Variants in MICU1 observed in about 807,000 individuals in gnomAD.
The protein encoded by MICU1 is calcium uptake protein 1, mitochondrial.
Under a neutral mutation model 56.8 loss-of-function variants are expected in MICU1, and 45 were observed. The observed-to-expected ratio is 0.79, with a 90% CI of 0.62 to 1.02. MICU1 has a LOEUF of 1.02. Ranked by LOEUF, MICU1 falls within the 50% of genes least tolerant of loss-of-function variation. The pLI, the probability that MICU1 is intolerant of heterozygous loss-of-function variation, is 0.00. For missense variants in MICU1, 504 were observed against 587.1 expected, an observed-to-expected ratio of 0.86 and a Z score of 1.46; for synonymous variants, 186 against 195.1, an observed-to-expected ratio of 0.95 and a Z score of 0.39.
chr10:72,391,167 C>CTCA (rs1352983766), intron 10 of MICU1, among the ~76,000 whole-genome samples: 2 of 152,262 alleles, frequency 1.3e-5, no homozygotes, highest in East Asian at 3.8e-4. Flanking sequence ...GGTGCAGTGG[C>CTCA]TCACGCCTGT....
chr10:72,461,776 C>T (rs915296594), intron 8 of MICU1, among the ~76,000 whole-genome samples: 50 of 152,302 alleles, frequency 3.3e-4, no homozygotes, highest in African/African-American at 1.2e-3. Flanking sequence ...ATGGTGAAAC[C>T]TTGTCTCTAC....
intron 10 of MICU1, among the ~76,000 whole-genome samples, chr10:72,394,334 G>T (rs1266931640): frequency 6.6e-6 from 1 of 152,258 alleles, no homozygotes; most frequent in South Asian, 2.1e-4. Flanking sequence ...CAGCAACCAA[G>T]AATTAAAAAT....
chr10:72,597,159 T>C (rs548284441), intron 1 of MICU1, among the ~76,000 whole-genome samples: 2 of 152,326 alleles, frequency 1.3e-5, no homozygotes, highest in South Asian at 4.1e-4. Context: ...TTTCCGTTTA[T>C]AAACATCATT....
At chr10:72,459,029 T>A (rs1865568233) in intron 8 of MICU1, among the ~76,000 whole-genome samples, 1 of 151,950 alleles carries the variant, frequency 6.6e-6, no homozygotes, top group Admixed American at 6.6e-5. Flanking sequence ...GCACCTAGCC[T>A]TCATTAAAAA....
chr10:72,431,074 G>A (rs1488069175), intron 8 of MICU1, among the ~76,000 whole-genome samples: 6 of 148,990 alleles, frequency 4.0e-5, no homozygotes, highest in Non-Finnish European at 7.4e-5. Flanking sequence ...CTACTGCTTT[G>A]AATATACCTT....
At chr10:72,583,334 G>A (rs1293132849) in intron 1 of MICU1, among the ~76,000 whole-genome samples, 1 of 150,296 alleles carries the variant, frequency 6.7e-6, no homozygotes, top group African/African-American at 2.5e-5. Context: ...AGGCTGGAGT[G>A]CAGTGGTGCC....
In MICU1 at chr10:72,442,976, C is replaced by T. The variant is rs150837267; in HGVS notation, c.934-19605G>A. Among the ~76,000 whole-genome samples, 430 of 152,104 alleles carry T rather than the reference C, an allele frequency of 2.8e-3. 3 individuals are homozygous for T. The highest frequency in any genetic ancestry group is 9.8e-3 in the African/African-American group (406 of 41,478). ...TTCGTCATGTTGGCCAGGCTGGTCT[C>T]GAACTACTGACCTCAGGTGATCTGC... On this transcript the variant is annotated intron_variant, in intron 8 of 11. Coordinates refer to ENST00000361114, the MANE Select transcript of MICU1 (RefSeq NM_001195518.2).
At chr10:72,374,873 G>A (rs59051237) in intron 11 of MICU1, among the ~76,000 whole-genome samples, 3,224 of 117,264 alleles carry the variant, frequency 0.027, 116 homozygotes, top group East Asian at 0.14. Flanking sequence ...CTGGAGTGTT[G>A]TGGCACGATC....
At chr10:72,390,201 A>C (rs1034247721) in intron 10 of MICU1, among the ~76,000 whole-genome samples, 2 of 152,212 alleles carry the variant, frequency 1.3e-5, no homozygotes, top group Non-Finnish European at 2.9e-5. Context: ...AAAAAGAAAA[A>C]GAAAAAAAAG....
intron 9 of MICU1, among the ~76,000 whole-genome samples, chr10:72,413,112 G>T (rs563559231): frequency 3.9e-5 from 6 of 152,112 alleles, no homozygotes; most frequent in African/African-American, 1.2e-4. Context: ...AATGAGAATT[G>T]CATGAACCCA....
chr10:72,524,663 C>T (rs957925087), intron 5 of MICU1: 3 of 1,110,668 alleles, frequency 2.7e-6, no homozygotes, highest in Non-Finnish European at 2.3e-6. Context: ...TGCGCTGAAC[C>T]TTTGTTCCTG....
intron 8 of MICU1, among the ~76,000 whole-genome samples, chr10:72,430,165 A>T (rs760419891): frequency 6.6e-6 from 1 of 151,932 alleles, no homozygotes; most frequent in Non-Finnish European, 1.5e-5. Context: ...TTTAACTTTA[A>T]TTTTCAGCAA....
chr10:72,432,286 A>C (rs1220253526), intron 8 of MICU1, among the ~76,000 whole-genome samples: 2 of 151,980 alleles, frequency 1.3e-5, no homozygotes, highest in South Asian at 2.1e-4. Context: ...AATACAAATA[A>C]ATATAAAAAC....
intron 1 of MICU1, among the ~76,000 whole-genome samples, chr10:72,575,914 A>G (rs554049225): frequency 6.6e-6 from 1 of 152,242 alleles, no homozygotes; most frequent in South Asian, 2.1e-4. Flanking sequence ...TCTCACTTTC[A>G]ATCAAAAGCT....
intron 1 of MICU1, among the ~76,000 whole-genome samples, chr10:72,600,348 T>G (rs1294776692): frequency 7.0e-6 from 1 of 142,636 alleles, no homozygotes; most frequent in African/African-American, 2.6e-5. Flanking sequence ...TGTGGAATTG[T>G]GAGGAAAGAA....
In MICU1 at chr10:72,533,729, T is replaced by A. The variant is rs374544316; in HGVS notation, c.537+17A>T. 6.3e-7 allele frequency: 1 copy of A among 1,575,358 alleles called. No homozygotes were observed. The highest frequency in any genetic ancestry group is 8.7e-7 in the Non-Finnish European group (1 of 1,150,396). ...AAATGATAGGATATATGTATAGAAG[T>A]GTCATAGTTTGCTCACCTTTCCATC... On this transcript the variant is annotated intron_variant, in intron 5 of 11. Coordinates refer to ENST00000361114, the MANE Select transcript of MICU1 (RefSeq NM_001195518.2).
chr10:72,559,462 CTA>C (rs1840238126), intron 3 of MICU1, among the ~76,000 whole-genome samples: 2 of 151,422 alleles, frequency 1.3e-5, no homozygotes, highest in African/African-American at 2.4e-5. Context: ...ACATATTACT[CTA>C]TTTTTTCTCT....
rs539250393 is a variant in MICU1 at position 72,368,213 on chromosome 10, G to A, written c.1413C>T (p.Phe471=). The change falls in exon 12 of 12, where the codon TTC becomes TTT. Residue 471 remains phenylalanine, a synonymous_variant. Coordinates refer to ENST00000361114, the MANE Select transcript of MICU1 (RefSeq NM_001195518.2). ...WKCAQETAWD[F]ALPKQ is the part of the protein sequence containing the mutation. ...TGTGGGGTTACTGTTTGGGTAAAGC[G>A]AAGTCCCAGGCAGTTTCCTGTGCAC... is the stretch of plus-strand genomic sequence containing the variant. The A allele has an allele frequency of 2.7e-5, 43 of 1,613,212 alleles. No individual in the cohort carries two copies. In the South Asian group the frequency reaches 3.6e-4, roughly 14 times the overall value.
intron 1 of MICU1, among the ~76,000 whole-genome samples, chr10:72,600,698 C>T (rs1208505199): frequency 6.6e-6 from 1 of 150,530 alleles, no homozygotes; most frequent in Non-Finnish European, 1.5e-5. Context: ...TTTGCTGTCA[C>T]ACCTTAAACT....
Sources: allele counts gnomAD v4.1 joint callset (sites outside exome capture counted in the v4.1 genomes callset), GRCh38; gene constraint gnomAD v4.1.1; transcripts MANE v1.5; gene names NCBI Gene and HGNC (gene_info 2026-07-23, HGNC 2026-07-21).